Variants in ZNF30 observed in about 807,000 individuals in gnomAD.
ZNF30 encodes the protein zinc finger protein 30.
Under a neutral mutation model 13.2 loss-of-function variants are expected in ZNF30, and 15 were observed. The ratio of observed to expected loss-of-function variants is 1.13; its 90% CI spans 0.76 to 1.75. The LOEUF (loss-of-function observed/expected upper bound fraction) is 1.75. Among genes scored for constraint, ZNF30 ranks in the 40% most tolerant of loss-of-function variants. The probability of loss-of-function intolerance (pLI) is 0.00; values close to 1 mark genes in which losing one functional copy is unlikely to be tolerated. For missense variants in ZNF30, 726 were observed against 757.0 expected, an observed-to-expected ratio of 0.96 and a Z score of 0.48; for synonymous variants, 223 against 256.6, an observed-to-expected ratio of 0.87 and a Z score of 1.25.
In ZNF30 at chr19:34,943,733, G is replaced by A. The variant is rs749672415; in HGVS notation, c.767G>A (p.Gly256Asp). The A allele has an allele frequency of 1.1e-5, 17 of 1,613,838 alleles. No individual in the cohort carries two copies. The highest frequency in any genetic ancestry group is 1.1e-5 in the Non-Finnish European group (13 of 1,179,810). The stretch of plus-strand genomic sequence containing the variant: ...ACCCGGCATCAGAGTACTCACACTG[G>A]TGAAAAACCCTTTGGGTGTGAGGAG... ...KLTRHQSTHTGEKPFGCEECG... is the reference protein window; with the variant it reads ...KLTRHQSTHTDEKPFGCEECG... The change falls in exon 5 of 5, where the codon GGT (glycine) becomes GAT (aspartate). Residue 256 changes from glycine to aspartate, a missense_variant. Coordinates refer to ENST00000601142, the MANE Select transcript of ZNF30 (RefSeq NM_194325.3).
upstream of ZNF30, among the ~76,000 whole-genome samples, chr19:34,924,021 T>C (rs2011988165): frequency 6.6e-6 from 1 of 152,160 alleles, no homozygotes; most frequent in East Asian, 1.9e-4. Flanking sequence ...GGACTGTCAT[T>C]TTCCACTGGA....
chr19:34,933,604 T>C (rs749337686), intron 3 of ZNF30, 24 bp from the exon 4 acceptor site: 64 of 1,537,448 alleles, frequency 4.2e-5, no homozygotes, highest in Non-Finnish European at 5.5e-5. Context: ...TTATTTCTTT[T>C]CTACATTCTT....
intron 3 of ZNF30, 60 bp from the exon 4 acceptor site, chr19:34,933,568 G>A: frequency 7.7e-7 from 1 of 1,306,340 alleles, no homozygotes. Context: ...TTTAACCAAA[G>A]CTGGAAGTAT....
intron 1 of ZNF30, among the ~76,000 whole-genome samples, chr19:34,928,223 ATATATATATATATATAT>A (rs1568533928): frequency 5.1e-4 from 26 of 51,326 alleles, no homozygotes; most frequent in Non-Finnish European, 8.7e-4. Flanking sequence ...AAAAAAAAAT[ATATATATATATATATAT>A]ATATATATAT....
At chr19:34,932,533 C>T (rs1156916684) in intron 3 of ZNF30, among the ~76,000 whole-genome samples, 1 of 152,140 alleles carries the variant, frequency 6.6e-6, no homozygotes. Flanking sequence ...TATTAACACA[C>T]AGCGTGCTTA....
chr19:34,934,256 ATTTG>A (rs1295682002), intron 4 of ZNF30, among the ~76,000 whole-genome samples: 2 of 151,980 alleles, frequency 1.3e-5, no homozygotes, highest in African/African-American at 2.4e-5. Context: ...AGGAATTTGA[ATTTG>A]TTTGTTTTGT....
chr19:34,933,556 A>C, intron 3 of ZNF30, 72 bp from the exon 4 acceptor site: 2 of 1,208,402 alleles, frequency 1.7e-6, no homozygotes, highest in East Asian at 5.2e-5. Flanking sequence ...ATTTATGGCA[A>C]ATTTAACCAA....
At position 34,943,886 on chromosome 19, in the gene ZNF30, A is replaced by C; in HGVS notation, c.920A>C (p.Gln307Pro). 6.2e-7 allele frequency: 1 copy of C among 1,614,194 alleles called. No individual in the cohort carries two copies. ...FSTSSPLAKHQRIHTGEKPYE... is the reference protein window; with the variant it reads ...FSTSSPLAKHPRIHTGEKPYE... ...ACTAGCTCACCCCTTGCTAAGCATCAGAGAATTCATACTGGCGAGAAACCC... is the reference window on the plus strand; with the variant it reads ...ACTAGCTCACCCCTTGCTAAGCATCCGAGAATTCATACTGGCGAGAAACCC... Residue 307 changes from glutamine to proline, a missense_variant, in exon 5 of 5, where the codon CAG becomes CCG. Gln to Pro is a moderately conservative substitution (Grantham distance 76, BLOSUM62 -1). Coordinates refer to ENST00000601142, the MANE Select transcript of ZNF30 (RefSeq NM_194325.3).
In ZNF30 at chr19:34,944,105, C is replaced by A. The variant is rs769309298; in HGVS notation, c.1139C>A (p.Thr380Asn). ...TACGGATGCAAGGAATGCGGGAGAA[C>A]CTTCAGTCGTGCCTCATATCTTGTT... is the stretch of plus-strand genomic sequence containing the variant. The part of the protein sequence containing the change: ...KPYGCKECGR[T>N]FSRASYLVQH... The change falls in exon 5 of 5, where the codon ACC becomes AAC. Residue 380 changes from threonine (T) to asparagine (N), a missense_variant. Physicochemically the swap from Thr to Asn is moderately conservative, Grantham distance 65. Coordinates refer to ENST00000601142, the MANE Select transcript of ZNF30 (RefSeq NM_194325.3). 29 of 1,613,592 alleles carry A rather than the reference C, an allele frequency of 1.8e-5. No individual in the cohort carries two copies. Among genetic ancestry groups the A allele is most frequent in the Non-Finnish European group, 2.5e-5 (29 of 1,179,742 alleles).
chr19:34,933,323 C>T (rs539381355), intron 3 of ZNF30, among the ~76,000 whole-genome samples: 1 of 151,902 alleles, frequency 6.6e-6, no homozygotes, highest in Non-Finnish European at 1.5e-5. Context: ...CGTGGTGGCA[C>T]ATGCCTATAG....
chr19:34,945,002 C>A lies in ZNF30; in HGVS notation c.*164C>A. ...AGAAAACATAAGAATATTCCTTTGTCATTTATAGGTTTGTAATACCAATAT... is the reference window on the plus strand; with the variant it reads ...AGAAAACATAAGAATATTCCTTTGTAATTTATAGGTTTGTAATACCAATAT... On this transcript the variant is annotated 3_prime_UTR_variant, in exon 5 of 5. Transcript: ENST00000601142. 2 of 698,766 alleles carry A rather than the reference C, an allele frequency of 2.9e-6. No homozygotes were observed. The highest frequency in any genetic ancestry group is 4.4e-6 in the Non-Finnish European group (2 of 457,906). 43.3% of individuals were successfully genotyped at this position (698,766 alleles called of 1,614,324 possible).
upstream of ZNF30, among the ~76,000 whole-genome samples, chr19:34,924,247 T>TAAATCATTTCA (rs1245888842): frequency 1.3e-5 from 2 of 152,000 alleles, no homozygotes; most frequent in Non-Finnish European, 2.9e-5. Context: ...ACTTTTTGAA[T>TAAATCATTTCA]AAATCATTTC....
chr19:34,924,786 CTT>C (rs1264273639), upstream of ZNF30, among the ~76,000 whole-genome samples: 3 of 152,182 alleles, frequency 2.0e-5, no homozygotes, highest in African/African-American at 7.2e-5. Flanking sequence ...AAAATGAACA[CTT>C]TAGACATGAA....
In ZNF30 at chr19:34,933,732, G is replaced by A; in HGVS notation, c.256+9G>A. 1 of 1,558,748 alleles carries A rather than the reference G, an allele frequency of 6.4e-7. No individual in the cohort carries two copies. The highest frequency in any genetic ancestry group is 8.7e-7 in the Non-Finnish European group (1 of 1,146,040). On this transcript the variant is annotated intron_variant, in intron 4 of 4. Coordinates refer to ENST00000601142, the MANE Select transcript of ZNF30 (RefSeq NM_194325.3). ...AAGAAGATGGTGCACAGGTGAGTAA[G>A]AGCATGGCAGGTAGGGAGGCCATTG...
Position 34,944,544 on chromosome 19 carries a change from C to T in ZNF30, c.1578C>T (p.Tyr526=). 14 of 1,614,082 alleles carry T rather than the reference C, an allele frequency of 8.7e-6. No individual in the cohort carries two copies. Among genetic ancestry groups the T allele is most frequent in the Non-Finnish European group, 1.2e-5 (14 of 1,180,014 alleles). Residue 526 remains tyrosine, a synonymous_variant, in exon 5 of 5, where the codon TAC becomes TAT. Coordinates refer to ENST00000601142, the MANE Select transcript of ZNF30 (RefSeq NM_194325.3). The part of the protein sequence containing the change: ...ECGKAFSSGS[Y]LVQHQRIHTG... ...GCAAGGCCTTCAGTTCTGGCTCATA[C>T]CTTGTTCAGCATCAAAGAATTCATA... is the stretch of plus-strand genomic sequence containing the variant.
chr19:34,926,001 A>G (rs749791604), upstream of ZNF30, among the ~76,000 whole-genome samples: 7 of 152,088 alleles, frequency 4.6e-5, no homozygotes, highest in Non-Finnish European at 8.8e-5. Flanking sequence ...GCAAAACCCC[A>G]TTTCTACAAA....
At chr19:34,943,060 T>A (rs551248201) in intron 4 of ZNF30, among the ~76,000 whole-genome samples, 163 bp from the exon 5 acceptor site, 1 of 150,602 alleles carries the variant, frequency 6.6e-6, no homozygotes, top group Admixed American at 6.6e-5. Flanking sequence ...CATAAACACT[T>A]GTTAATCTCT....
At chr19:34,931,439 T>C (rs1446396829) in intron 2 of ZNF30, among the ~76,000 whole-genome samples, 1 of 152,236 alleles carries the variant, frequency 6.6e-6, no homozygotes, top group Non-Finnish European at 1.5e-5. Context: ...ATTTGTGTCA[T>C]GGCTATTTTC....
intron 4 of ZNF30, among the ~76,000 whole-genome samples, chr19:34,938,520 T>C (rs1387356831): frequency 6.6e-6 from 1 of 152,184 alleles, no homozygotes; most frequent in Non-Finnish European, 1.5e-5. Context: ...TCACTAGTTC[T>C]TAATAATTTA....
Sources: gnomAD v4.1 joint callset for allele counts (sites outside exome capture counted in the v4.1 genomes callset) on GRCh38, gnomAD v4.1.1 for gene constraint, MANE v1.5 for transcripts, NCBI Gene and HGNC (gene_info 2026-07-23, HGNC 2026-07-21) for gene names.